Variants in HRC observed in about 807,000 individuals in gnomAD.
HRC encodes sarcoplasmic reticulum histidine-rich calcium-binding protein.
HRC carries 41 observed loss-of-function variants against 61.4 expected under a neutral mutation model. That is an observed-to-expected ratio of 0.67 (90% CI 0.52 to 0.87). The LOEUF (loss-of-function observed/expected upper bound fraction) is 0.87, where lower values mean the gene tolerates loss of function less well. Ranked by LOEUF, HRC falls within the 40% of genes least tolerant of loss-of-function variation. The pLI is 0.00. For synonymous variants in HRC, 308 were observed against 326.6 expected (o/e 0.94, Z 0.62); for missense variants, 839 against 885.8 (o/e 0.95, Z 0.67).
intron 2 of HRC, among the ~76,000 whole-genome samples, chr19:49,152,658 C>T (rs1195524876): frequency 2.0e-5 from 3 of 151,964 alleles, no homozygotes; most frequent in Non-Finnish European, 2.9e-5. Context: ...CAACCTCCGT[C>T]TCCCGGGTTC....
chr19:49,154,711 T>C lies in HRC; in HGVS notation c.527A>G (p.His176Arg), dbSNP rs1336994886. ...GCCTCGGTGTCCATGCCTGAGGATA[T>C]GATGGTGATGCTCACTGGACACAAC... ...DEVVSSEHHH[H>R]ILRHGHRGHD... is the part of the protein sequence containing the mutation. The change falls in exon 1 of 6, where the codon CAT becomes CGT. Residue 176 changes from histidine to arginine, a missense_variant. By Grantham distance (29) the His-to-Arg change is conservative (BLOSUM62 0). Transcript: ENST00000252825. The C allele has an allele frequency of 6.2e-7, 1 of 1,614,088 alleles. No individual in the cohort carries two copies. The highest frequency in any genetic ancestry group is 2.2e-5 in the East Asian group (1 of 44,874).
chr19:49,155,379 T>C lies in HRC; in HGVS notation c.-142A>G. On this transcript the variant is annotated 5_prime_UTR_variant, in exon 1 of 6. Transcript: ENST00000252825. The surrounding 1 kb of genome is among the most constrained non-coding windows in gnomAD (Gnocchi z 4.7). The stretch of plus-strand genomic sequence containing the variant: ...TCGGTCTCTGTCCACCTTCCTCTGG[T>C]CCTTGCTGCCTGGCTCTGGACACCC... The C allele has an allele frequency of 8.0e-7, 1 of 1,247,016 alleles. No homozygotes were observed. The highest frequency in any genetic ancestry group is 1.1e-6 in the Non-Finnish European group (1 of 930,842). 77.2% of individuals were successfully genotyped at this position (1,247,016 alleles called of 1,614,324 possible). A position where few individuals can be genotyped will look rare whatever the true frequency, so the allele number is the denominator to read the frequency against.
At position 49,154,640 on chromosome 19, in the gene HRC, C is replaced by T. The variant is rs1223986271; in HGVS notation, c.598G>A (p.Glu200Lys). The T allele has an allele frequency of 1.7e-5, 28 of 1,601,350 alleles. No homozygotes were observed. Among genetic ancestry groups the T allele is most frequent in the Admixed American group, 5.0e-5 (3 of 59,512 alleles). The change falls in exon 1 of 6, where the codon GAG becomes AAG. Residue 200 changes from glutamate to lysine, a missense_variant. By Grantham distance (56) the Glu-to-Lys change is moderately conservative. Coordinates refer to ENST00000252825, the MANE Select transcript of HRC (RefSeq NM_002152.3). Reference protein sequence around the residue: ...DEGEEEEEEEEEEEEASTEYG... With the variant: ...DEGEEEEEEEKEEEEASTEYG... ...TCAGTGGAGGCCTCCTCTTCCTCCT[C>T]CTCCTCCTCCTCCTCCTCTTCTCCT...
rs757857808 is a variant in HRC, at chr19:49,154,607, G to T, written c.631C>A (p.His211Asn). Residue 211 changes from histidine (H) to asparagine (N), a missense_variant, in exon 1 of 6, where the codon CAC becomes AAC. Transcript: ENST00000252825. ...TGGCCTCGGTGCCTGTGGGCCTGGT[G>T]TCCATACTCAGTGGAGGCCTCCTCT... ...EEEEASTEYG[H>N]QAHRHRGHGS... The T allele has an allele frequency of 6.2e-7, 1 of 1,603,514 alleles. No homozygotes were observed. Among genetic ancestry groups the T allele is most frequent in the South Asian group, 1.1e-5 (1 of 90,382 alleles).
Position 49,153,538 on chromosome 19 carries a change from C to A in HRC, c.1700G>T (p.Ser567Ile). Residue 567 changes from serine to isoleucine, a missense_variant, in exon 1 of 6, where the codon AGC becomes ATC. Physicochemically the swap from Ser to Ile is moderately radical, Grantham distance 142 (BLOSUM62 -2). Transcript: ENST00000252825. This position sits in a 1 kb window ranked among gnomAD's most constrained non-coding sequence, Gnocchi z 4.8. Reference protein sequence around the residue: ...EVGAPLSPDHSEEEEEEEEGL... With the variant: ...EVGAPLSPDHIEEEEEEEEGL... ...CTCCTCCTCCTCCTCTTCCTCCTCG[C>A]TGTGGTCTGGGCTCAGTGGGGCCCC... The A allele has an allele frequency of 3.2e-6, 5 of 1,578,396 alleles. No homozygotes were observed. The highest frequency in any genetic ancestry group is 4.3e-6 in the Non-Finnish European group (5 of 1,162,002).
rs1032792023 is a variant in HRC, at chr19:49,153,354, G to C, written c.1832-23C>G. The C allele has an allele frequency of 7.4e-6, 12 of 1,613,078 alleles. No homozygotes were observed. Among genetic ancestry groups the C allele is most frequent in the Non-Finnish European group, 9.3e-6 (11 of 1,179,060 alleles). On this transcript the variant is annotated intron_variant, in intron 1 of 5. Transcript: ENST00000252825. The surrounding 1 kb of genome is among the most constrained non-coding windows in gnomAD (Gnocchi z 4.8). ...GACCTGCGGGGACAGGAGGGCAGCAGTGACCCAGGCTGACTCGGTTCCTTC... is the reference window on the plus strand; with the variant it reads ...GACCTGCGGGGACAGGAGGGCAGCACTGACCCAGGCTGACTCGGTTCCTTC...
At position 49,153,197 on chromosome 19, in the gene HRC, C is replaced by T; in HGVS notation, c.1902+64G>A. ...TGCTCTGAGCCCTCCCACAGCACCA[C>T]CCCAGGGCCCCTGGGACAGATTCTG... On this transcript the variant is annotated intron_variant, in intron 2 of 5. Transcript: ENST00000252825. This position sits in a 1 kb window ranked among gnomAD's most constrained non-coding sequence, Gnocchi z 4.8. 1 of 1,302,020 alleles carries T rather than the reference C, an allele frequency of 7.7e-7. No homozygotes were observed. The highest frequency in any genetic ancestry group is 1.1e-6 in the Non-Finnish European group (1 of 901,648). The allele number at this position is 1,302,020 out of a possible 1,614,324, so 80.7% of individuals were successfully genotyped here.
In HRC at chr19:49,154,494, ATCG is replaced by A. The variant is rs771935365; in HGVS notation, c.741_743del (p.Asp261del). On this transcript the variant is annotated inframe_deletion, in exon 1 of 6. Transcript: ENST00000252825. ...CATCATCATCATCATCATCATCATC[ATCG>A]TCATCTTCTTCATGGCCTTGGTGCC... is the stretch of plus-strand genomic sequence containing the variant. 1.4e-4 allele frequency: 211 copies of A among 1,487,422 alleles called. No homozygotes were observed. The highest frequency in any genetic ancestry group is 1.1e-3 in the Middle Eastern group (6 of 5,622). The allele number at this position is 1,487,422 out of a possible 1,614,324, so 92.1% of individuals were successfully genotyped here.
At position 49,153,701 on chromosome 19, in the gene HRC, T is replaced by A; in HGVS notation, c.1537A>T (p.Ser513Cys). The A allele has an allele frequency of 1.2e-6, 2 of 1,613,762 alleles. No homozygotes were observed. The highest frequency in any genetic ancestry group is 1.7e-6 in the Non-Finnish European group (2 of 1,179,832). ...EQGEKGTHHGSRDQEDEEDEE... is the reference protein window; with the variant it reads ...EQGEKGTHHGCRDQEDEEDEE... ...TCCTCCTCATCTTCCTGGTCCCGGCTGCCATGATGGGTGCCTTTCTCTCCC... is the reference window on the plus strand; with the variant it reads ...TCCTCCTCATCTTCCTGGTCCCGGCAGCCATGATGGGTGCCTTTCTCTCCC... Residue 513 changes from serine (S) to cysteine (C), a missense_variant, in exon 1 of 6, where the codon AGC becomes TGC. Transcript: ENST00000252825. This position sits in a 1 kb window ranked among gnomAD's most constrained non-coding sequence, Gnocchi z 4.8.
In HRC at chr19:49,154,890, C is replaced by T. The variant is rs781119935; in HGVS notation, c.348G>A (p.Glu116=). 3.7e-6 allele frequency: 6 copies of T among 1,614,198 alleles called. 1 individual carries two copies. Among genetic ancestry groups the T allele is most frequent in the Admixed American group, 3.3e-5 (2 of 60,028 alleles). Reference sequence around the variant, plus strand: ...CAAAGACCTCCTCACCTGAGACACCCTCATCTCCGACTTTGTGGTCTTGGG... The same window carrying T: ...CAAAGACCTCCTCACCTGAGACACCTTCATCTCCGACTTTGTGGTCTTGGG... The part of the protein sequence containing the change: ...HRSQDHKVGD[E]GVSGEEVFAE... The change falls in exon 1 of 6, where the codon GAG becomes GAA. Residue 116 remains glutamate, a synonymous_variant. Coordinates refer to ENST00000252825, the MANE Select transcript of HRC (RefSeq NM_002152.3).
chr19:49,153,190 A>G lies in HRC; in HGVS notation c.1902+71T>C. ...CTGCCCTTGCTCTGAGCCCTCCCAC[A>G]GCACCACCCCAGGGCCCCTGGGACA... On this transcript the variant is annotated intron_variant, in intron 2 of 5. Transcript: ENST00000252825. This position sits in a 1 kb window ranked among gnomAD's most constrained non-coding sequence, Gnocchi z 4.8. 1 of 1,212,054 alleles carries G rather than the reference A, an allele frequency of 8.3e-7. No homozygotes were observed. Among genetic ancestry groups the G allele is most frequent in the Non-Finnish European group, 1.2e-6 (1 of 821,470 alleles). 75.1% of individuals were successfully genotyped at this position (1,212,054 alleles called of 1,614,324 possible). A position where few individuals can be genotyped will look rare whatever the true frequency, so the allele number is the denominator to read the frequency against.
At position 49,155,179 on chromosome 19, in the gene HRC, A is replaced by G. The variant is rs770909687; in HGVS notation, c.59T>C (p.Leu20Pro). 2.5e-6 allele frequency: 4 copies of G among 1,613,226 alleles called. No individual in the cohort carries two copies. The highest frequency in any genetic ancestry group is 3.4e-6 in the Non-Finnish European group (4 of 1,179,980). ...ASVLWAGVAS[L>P]LLPPAMTQQL... is the part of the protein sequence containing the mutation. ...CTGGGTCATGGCCGGGGGGAGGAGC[A>G]GGCTGGCCACCCCAGCCCAGAGGAC... The change falls in exon 1 of 6, where the codon CTG (leucine) becomes CCG (proline). Residue 20 changes from leucine (L) to proline (P), a missense_variant. Physicochemically the swap from Leu to Pro is moderately conservative, Grantham distance 98. Transcript: ENST00000252825. This position sits in a 1 kb window ranked among gnomAD's most constrained non-coding sequence, Gnocchi z 4.7.
chr19:49,151,786 G>T (rs1261548807), intron 4 of HRC, among the ~76,000 whole-genome samples: 2 of 151,986 alleles, frequency 1.3e-5, no homozygotes. Flanking sequence ...CTCTAAGCCC[G>T]CATCTCAACC....
chr19:49,152,201 CA>C, intron 3 of HRC, 108 bp downstream of exon 3: 1 of 1,257,502 alleles, frequency 8.0e-7, no homozygotes, highest in Admixed American at 1.7e-5. Flanking sequence ...AAGGTTGCAT[CA>C]GGGGTAAGGG....
In HRC at chr19:49,153,208, CT is replaced by C. The variant is rs1044300476; in HGVS notation, c.1902+52del. ...CTCCCACAGCACCACCCCAGGGCCC[CT>C]GGGACAGATTCTGGGGACACCTTGG... On this transcript the variant is annotated intron_variant, in intron 2 of 5. Transcript: ENST00000252825. This position sits in a 1 kb window ranked among gnomAD's most constrained non-coding sequence, Gnocchi z 4.8. The C allele has an allele frequency of 1.0e-5, 15 of 1,444,480 alleles. No homozygotes were observed. In the East Asian group the frequency reaches 1.1e-4, roughly 11 times the overall value. 89.5% of individuals were successfully genotyped at this position (1,444,480 alleles called of 1,614,324 possible). A position where few individuals can be genotyped will look rare whatever the true frequency, so the allele number is the denominator to read the frequency against.
chr19:49,155,166 C>CG lies in HRC; in HGVS notation c.71dup (p.Ala25GlyfsTer41). 1 of 1,613,472 alleles carries CG rather than the reference C, an allele frequency of 6.2e-7. No individual in the cohort carries two copies. The highest frequency in any genetic ancestry group is 8.5e-7 in the Non-Finnish European group (1 of 1,179,954). On this transcript the variant is annotated frameshift_variant, in exon 1 of 6. Transcript: ENST00000252825. LOFTEE classifies it high-confidence loss of function. The surrounding 1 kb of genome is among the most constrained non-coding windows in gnomAD (Gnocchi z 4.7). ...CCCCTCTGAGCTGCTGGGTCATGGC[C>CG]GGGGGGAGGAGCAGGCTGGCCACCC... is the stretch of plus-strand genomic sequence containing the variant.
chr19:49,154,430 C>T lies in HRC; in HGVS notation c.808G>A (p.Ala270Thr). The change falls in exon 1 of 6, where the codon GCT (alanine) becomes ACT (threonine). Residue 270 changes from alanine (A) to threonine (T), a missense_variant. By Grantham distance (58) the Ala-to-Thr change is moderately conservative. Coordinates refer to ENST00000252825, the MANE Select transcript of HRC (RefSeq NM_002152.3). Reference sequence around the variant, plus strand: ...ATCCCGTGGCCTTGGTGCCTGTGAGCCTGGTGTCTATATTCAATGGAGACA... The same window carrying T: ...ATCCCGTGGCCTTGGTGCCTGTGAGTCTGGTGTCTATATTCAATGGAGACA... ...DDVSIEYRHQ[A>T]HRHQGHGIEE... 4.4e-6 allele frequency: 7 copies of T among 1,588,680 alleles called. No homozygotes were observed. In the South Asian group the frequency reaches 7.8e-5, roughly 18 times the overall value.
In HRC at chr19:49,154,973, C is replaced by T. The variant is rs1160810383; in HGVS notation, c.265G>A (p.Glu89Lys). Residue 89 changes from glutamate to lysine, a missense_variant, in exon 1 of 6, where the codon GAA (glutamate) becomes AAA (lysine). Glu to Lys is a moderately conservative substitution (Grantham distance 56). Coordinates refer to ENST00000252825, the MANE Select transcript of HRC (RefSeq NM_002152.3). ...TTGGAGACATCTTCATCCTCCTTTT[C>T]ACGGTCTGGGTGGCTCCAGAAATGA... Reference protein sequence around the residue: ...GHHFWSHPDREKEDEDVSKEY... With the variant: ...GHHFWSHPDRKKEDEDVSKEY... The T allele has an allele frequency of 6.2e-7, 1 of 1,614,214 alleles. No homozygotes were observed. The highest frequency in any genetic ancestry group is 1.1e-5 in the South Asian group (1 of 91,082).
Position 49,154,579 on chromosome 19 carries a change from C to T in HRC, c.659G>A (p.Gly220Glu), listed in dbSNP as rs2041402487. ...TGAGACATCCTCATCCTCTTCACTC[C>T]CATGGCCTCGGTGCCTGTGGGCCTG... ...GHQAHRHRGH[G>E]SEEDEDVSDG... Residue 220 changes from glycine to glutamate, a missense_variant, in exon 1 of 6, where the codon GGG becomes GAG. Physicochemically the swap from Gly to Glu is moderately conservative, Grantham distance 98. Transcript: ENST00000252825. 1.2e-6 allele frequency: 2 copies of T among 1,613,130 alleles called. No individual in the cohort carries two copies. Among genetic ancestry groups the T allele is most frequent in the Admixed American group, 3.3e-5 (2 of 59,944 alleles).
Sources: allele counts gnomAD v4.1 joint callset (sites outside exome capture counted in the v4.1 genomes callset), GRCh38; gene constraint gnomAD v4.1.1; non-coding constraint Gnocchi (gnomAD v3.1); transcripts MANE v1.5; gene names NCBI Gene and HGNC (gene_info 2026-07-23, HGNC 2026-07-21).